The following ENTREP2 variants were observed in gnomAD, a reference collection of about 807,000 sequenced individuals.
ENTREP2 encodes protein ENTREP2.
chr15:29,329,323 A>C, the ENTREP2 span, among the ~76,000 whole-genome samples: 1 of 151,556 alleles, frequency 6.6e-6, no homozygotes, highest in South Asian at 2.1e-4. Context: ...CGATCGCACC[A>C]CTGCACTCCA....
At chr15:29,460,862 G>C in the ENTREP2 span, among the ~76,000 whole-genome samples, 1 of 152,122 alleles carries the variant, frequency 6.6e-6, no homozygotes, top group Non-Finnish European at 1.5e-5. Flanking sequence ...TAAGCCATTG[G>C]TGGTGTGAAT....
the ENTREP2 span, among the ~76,000 whole-genome samples, chr15:29,300,491 G>A: frequency 6.6e-6 from 1 of 152,270 alleles, no homozygotes; most frequent in Non-Finnish European, 1.5e-5. Flanking sequence ...ATAATCACTG[G>A]GTTAAAATGG....
the ENTREP2 span, among the ~76,000 whole-genome samples, chr15:29,390,867 A>C: frequency 6.6e-6 from 1 of 152,214 alleles, no homozygotes; most frequent in Non-Finnish European, 1.5e-5. Context: ...CTTTCATGAA[A>C]CATATGGCAG....
chr15:29,364,912 T>C, the ENTREP2 span, among the ~76,000 whole-genome samples: 4 of 152,138 alleles, frequency 2.6e-5, no homozygotes, highest in Non-Finnish European at 5.9e-5. Context: ...TGAACCTACA[T>C]TGCCACACCA....
At chr15:29,657,483 C>CGGGGCGGG in the ENTREP2 span, among the ~76,000 whole-genome samples, 206 of 69,330 alleles carry the variant, frequency 3.0e-3, 2 homozygotes, top group African/African-American at 0.011. Flanking sequence ...GCTGGGGGGG[C>CGGGGCGGG]GGGGGGGGGG....
the ENTREP2 span, among the ~76,000 whole-genome samples, chr15:29,663,394 T>C: frequency 6.6e-6 from 1 of 152,172 alleles, no homozygotes; most frequent in East Asian, 1.9e-4. Flanking sequence ...AATCATGCTG[T>C]TATAAAGACA....
the ENTREP2 span, among the ~76,000 whole-genome samples, chr15:29,490,847 C>T: frequency 2.0e-5 from 3 of 152,246 alleles, no homozygotes; most frequent in Non-Finnish European, 2.9e-5. Context: ...GGGGAGCTGC[C>T]TGCCAGTCCC....
the ENTREP2 span, among the ~76,000 whole-genome samples, chr15:29,395,865 G>T: frequency 6.6e-6 from 1 of 152,050 alleles, no homozygotes; most frequent in African/African-American, 2.4e-5. Flanking sequence ...TCTCCTTAAG[G>T]ATTAGTGATG....
the ENTREP2 span, among the ~76,000 whole-genome samples, chr15:29,217,949 G>A: frequency 6.6e-6 from 1 of 152,156 alleles, no homozygotes; most frequent in Non-Finnish European, 1.5e-5. Context: ...TTCCCTTGGT[G>A]TGGTAATCTC....
chr15:29,269,520 G>A, the ENTREP2 span: 29 of 1,574,384 alleles, frequency 1.8e-5, no homozygotes, highest in African/African-American at 9.8e-5. Context: ...GAGGCGAGGG[G>A]CCCTGCGACC....
chr15:29,330,480 C>T, the ENTREP2 span, among the ~76,000 whole-genome samples: 2 of 151,982 alleles, frequency 1.3e-5, no homozygotes, highest in Non-Finnish European at 2.9e-5. Context: ...GTCTTTACCT[C>T]TCTGGTCTTC....
the ENTREP2 span, among the ~76,000 whole-genome samples, chr15:29,467,197 G>GAT: frequency 6.6e-6 from 1 of 152,084 alleles, no homozygotes; most frequent in South Asian, 2.1e-4. Context: ...GCGGCAAAGC[G>GAT]ATGGGCAGGG....
the ENTREP2 span, among the ~76,000 whole-genome samples, chr15:29,239,996 T>A: frequency 6.6e-6 from 1 of 152,188 alleles, no homozygotes; most frequent in South Asian, 2.1e-4. Flanking sequence ...CTCTTTTAAT[T>A]GTCAGTATAA....
the ENTREP2 span, among the ~76,000 whole-genome samples, chr15:29,407,247 G>A: frequency 3.3e-5 from 5 of 152,246 alleles, no homozygotes; most frequent in South Asian, 1.0e-3. Context: ...GTAATACAAT[G>A]GTGAGTACTT....
At chr15:29,475,142 A>G in the ENTREP2 span, among the ~76,000 whole-genome samples, 1 of 152,030 alleles carries the variant, frequency 6.6e-6, no homozygotes, top group Admixed American at 6.6e-5. Flanking sequence ...GGGTGACAAG[A>G]ATGGTCTGTG....
the ENTREP2 span, among the ~76,000 whole-genome samples, chr15:29,291,394 A>G: frequency 9.2e-5 from 14 of 152,114 alleles, no homozygotes; most frequent in African/African-American, 3.4e-4. Context: ...TCAGATGGAC[A>G]GTTACAAAGC....
chr15:29,469,955 A>G, the ENTREP2 span, among the ~76,000 whole-genome samples: 2 of 152,088 alleles, frequency 1.3e-5, no homozygotes, highest in Non-Finnish European at 2.9e-5. Context: ...CTCCTTTTCC[A>G]CATTCAGTGC....
At chr15:29,436,128 A>G in the ENTREP2 span, among the ~76,000 whole-genome samples, 1 of 152,202 alleles carries the variant, frequency 6.6e-6, no homozygotes, top group Non-Finnish European at 1.5e-5. Context: ...CGGGCAGTTC[A>G]GATGTCGGAG....
the ENTREP2 span, among the ~76,000 whole-genome samples, chr15:29,665,227 TAGG>T: frequency 1.3e-5 from 2 of 152,322 alleles, no homozygotes; most frequent in South Asian, 2.1e-4. Flanking sequence ...TCTGGCTGTG[TAGG>T]AGAAGTTCTC....
Sources: allele counts gnomAD v4.1 joint callset (sites outside exome capture counted in the v4.1 genomes callset), GRCh38; gene constraint gnomAD v4.1.1; transcripts MANE v1.5; gene names NCBI Gene and HGNC (gene_info 2026-07-23, HGNC 2026-07-21).